The following NCOA1 variants were observed in gnomAD, a reference collection of about 807,000 sequenced individuals.
NCOA1 encodes Hin-2 protein.
Under a neutral mutation model 150.9 loss-of-function variants are expected in NCOA1, and 35 were observed. The ratio of observed to expected loss-of-function variants is 0.23; its 90% CI spans 0.18 to 0.31. NCOA1 has a LOEUF of 0.31. Among genes scored for constraint, NCOA1 ranks in the 10% least tolerant of loss-of-function variants. The pLI is 1.00. For synonymous variants in NCOA1, 590 were observed against 630.0 expected (o/e 0.94, Z 0.95); for missense variants, 1,491 against 1,749.3 (o/e 0.85, Z 2.63).
At chr2:24,670,157 G>T (rs940885319) in intron 6 of NCOA1, among the ~76,000 whole-genome samples, 1 of 152,098 alleles carries the variant, frequency 6.6e-6, no homozygotes, top group African/African-American at 2.4e-5. Flanking sequence ...ACAGAAAAAG[G>T]TAATAACAAG....
At chr2:24,595,746 C>T (rs1322473869) in intron 3 of NCOA1, among the ~76,000 whole-genome samples, 2 of 152,036 alleles carry the variant, frequency 1.3e-5, no homozygotes, top group Non-Finnish European at 2.9e-5. Flanking sequence ...TTTAGCCTTG[C>T]AGCCTCTGCA....
chr2:24,758,891 G>T (rs1005581697), intron 21 of NCOA1, among the ~76,000 whole-genome samples: 1 of 152,008 alleles, frequency 6.6e-6, no homozygotes, highest in African/African-American at 2.4e-5. Flanking sequence ...GGGAGGCTGA[G>T]GCATGAGAAT....
intron 3 of NCOA1, among the ~76,000 whole-genome samples, chr2:24,606,317 A>G (rs1668361731): frequency 6.6e-6 from 1 of 151,862 alleles, no homozygotes; most frequent in African/African-American, 2.4e-5. Context: ...GCTCACTGCA[A>G]CCTCCACCTC....
chr2:24,741,552 T>C (rs780870464), intron 18 of NCOA1, among the ~76,000 whole-genome samples: 10 of 152,218 alleles, frequency 6.6e-5, no homozygotes, highest in Non-Finnish European at 8.8e-5. Context: ...TGGTCAGATA[T>C]TGTTTAGCAT....
intron 22 of NCOA1, among the ~76,000 whole-genome samples, chr2:24,767,027 T>C (rs1402964103): frequency 1.3e-5 from 2 of 152,180 alleles, no homozygotes; most frequent in Admixed American, 1.3e-4. Context: ...GCTTGGGGGC[T>C]GTCTGCCTCA....
At chr2:24,633,536 G>C (rs1198856492) in intron 3 of NCOA1, among the ~76,000 whole-genome samples, 1 of 152,116 alleles carries the variant, frequency 6.6e-6, no homozygotes, top group Non-Finnish European at 1.5e-5. Context: ...AGTGCTTGGC[G>C]TAATGGATGA....
intron 16 of NCOA1, 145 bp downstream of exon 16, chr2:24,728,621 T>G (rs1054406431): frequency 8.9e-5 from 47 of 528,966 alleles, no homozygotes; most frequent in Non-Finnish European, 1.2e-4. Flanking sequence ...AATATATGAG[T>G]TTTTTTTTTA....
chr2:24,565,267 T>G (rs1285724995), intron 2 of NCOA1, among the ~76,000 whole-genome samples: 1 of 152,010 alleles, frequency 6.6e-6, no homozygotes, highest in Non-Finnish European at 1.5e-5. Context: ...GTAGAGTGAG[T>G]TAGGTGTTTA....
chr2:24,557,546 C>T (rs187468824), intron 1 of NCOA1, among the ~76,000 whole-genome samples: 143 of 151,642 alleles, frequency 9.4e-4, no homozygotes, highest in African/African-American at 3.2e-3. Context: ...TCCTCCTTCT[C>T]CCCTCCCTTC....
chr2:24,589,651 G>GTGTT (rs1354386817), intron 3 of NCOA1, among the ~76,000 whole-genome samples: 1 of 149,204 alleles, frequency 6.7e-6, no homozygotes, highest in Non-Finnish European at 1.5e-5. Context: ...GTGTGTGTGT[G>GTGTT]TGTGTGTGTG....
chr2:24,746,988 T>C (rs1308002679), intron 19 of NCOA1, among the ~76,000 whole-genome samples: 1 of 152,178 alleles, frequency 6.6e-6, no homozygotes, highest in Non-Finnish European at 1.5e-5. Flanking sequence ...AGTCTAAAGT[T>C]AGGAAATCTC....
At chr2:24,629,426 A>C (rs568236995) in intron 3 of NCOA1, among the ~76,000 whole-genome samples, 1 of 151,988 alleles carries the variant, frequency 6.6e-6, no homozygotes, top group South Asian at 2.1e-4. Context: ...CAGGAAGTAA[A>C]AATTAAGATA....
chr2:24,638,450 C>T (rs1376216542), intron 3 of NCOA1, among the ~76,000 whole-genome samples: 1 of 152,026 alleles, frequency 6.6e-6, no homozygotes, highest in Non-Finnish European at 1.5e-5. Flanking sequence ...CATGGTAGTG[C>T]AGACGTCTCT....
chr2:24,692,688 A>G (rs1672719428), intron 9 of NCOA1, among the ~76,000 whole-genome samples: 1 of 152,234 alleles, frequency 6.6e-6, no homozygotes, highest in African/African-American at 2.4e-5. Flanking sequence ...CATGAGATGC[A>G]TCTCTCTCCT....
At chr2:24,680,998 T>C (rs1488779501) in intron 7 of NCOA1, among the ~76,000 whole-genome samples, 1 of 151,968 alleles carries the variant, frequency 6.6e-6, no homozygotes, top group Non-Finnish European at 1.5e-5. Context: ...TTTATTGACC[T>C]TCCAGTTTCC....
At chr2:24,610,514 T>A (rs1668575896) in intron 3 of NCOA1, among the ~76,000 whole-genome samples, 1 of 152,096 alleles carries the variant, frequency 6.6e-6, no homozygotes, top group South Asian at 2.1e-4. Context: ...ACTTCTTCCA[T>A]TATGATTTTA....
intron 1 of NCOA1, among the ~76,000 whole-genome samples, chr2:24,559,918 C>G (rs2148249977): frequency 6.6e-6 from 1 of 152,228 alleles, no homozygotes; most frequent in African/African-American, 2.4e-5. Flanking sequence ...TGGATTTTTG[C>G]CAGGACCTTT....
At chr2:24,690,391 A>C (rs1422253958) in intron 8 of NCOA1, among the ~76,000 whole-genome samples, 3 of 152,066 alleles carry the variant, frequency 2.0e-5, no homozygotes. Context: ...GTGGTGGCTC[A>C]CACCTGTAAT....
intron 1 of NCOA1, among the ~76,000 whole-genome samples, chr2:24,531,219 C>G (rs1664871270): frequency 6.6e-6 from 1 of 152,000 alleles, no homozygotes; most frequent in Non-Finnish European, 1.5e-5. Context: ...ACCACACGAC[C>G]CAGCAATCCC....
Sources: gnomAD v4.1 joint callset for allele counts (sites outside exome capture counted in the v4.1 genomes callset) on GRCh38, gnomAD v4.1.1 for gene constraint, MANE v1.5 for transcripts, NCBI Gene and HGNC (gene_info 2026-07-23, HGNC 2026-07-21) for gene names.